Variants in RFC1 observed in about 807,000 individuals in gnomAD.
The protein encoded by RFC1 is replication factor C subunit 1, also known as A1 140 kDa subunit.
In RFC1, 37 loss-of-function variants were observed where a neutral mutation model predicts 137.4. The ratio of observed to expected loss-of-function variants is 0.27; its 90% CI spans 0.21 to 0.35. The LOEUF (loss-of-function observed/expected upper bound fraction) is 0.35. RFC1 is among the 10% of genes least tolerant of loss of function. The probability of loss-of-function intolerance (pLI) is 1.00; values close to 1 mark genes in which losing one functional copy is unlikely to be tolerated. For missense variants in RFC1, 1,205 were observed against 1,358.5 expected (o/e 0.89, Z 1.78); for synonymous variants, 429 against 455.7 (o/e 0.94, Z 0.75).
intron 4 of RFC1, among the ~76,000 whole-genome samples, chr4:39,336,594 G>A (rs1301337706): frequency 1.3e-5 from 2 of 152,262 alleles, no homozygotes; most frequent in South Asian, 2.1e-4. Flanking sequence ...ATTTGAAGCC[G>A]AGTAACTCTC....
Position 39,291,734 on chromosome 4 carries a change from C to T in RFC1, c.3073G>A (p.Asp1025Asn). The change falls in exon 23 of 25, where the codon GAC becomes AAC. Residue 1025 changes from aspartate (D) to asparagine (N), a missense_variant. Asp to Asn is a conservative substitution (Grantham distance 23, BLOSUM62 1). Transcript: ENST00000349703. ...DGVQDVVALM[D>N]TYYLMKEDFE... Reference sequence around the variant, plus strand: ...TCTTCTTTCATCAAATAATATGTGTCCATAAGTGCAACAACATCCTGTACT... The same window carrying T: ...TCTTCTTTCATCAAATAATATGTGTTCATAAGTGCAACAACATCCTGTACT... 1.2e-6 allele frequency: 2 copies of T among 1,613,892 alleles called. No individual in the cohort carries two copies. Among genetic ancestry groups the T allele is most frequent in the Non-Finnish European group, 1.7e-6 (2 of 1,179,826 alleles).
Position 39,320,576 on chromosome 4 carries a change from T to G in RFC1, c.902A>C (p.Lys301Thr). 1 of 1,613,732 alleles carries G rather than the reference T, an allele frequency of 6.2e-7. No individual in the cohort carries two copies. The highest frequency in any genetic ancestry group is 8.5e-7 in the Non-Finnish European group (1 of 1,179,920). ...TTCTCCTATTTTGTCAGCTGATGAC[T>G]TGGAATGTTGCTGAGATTCTTTTGA... ...ESSKESQQHS[K>T]SSADKIGEVS... The change falls in exon 9 of 25, where the codon AAG becomes ACG. Residue 301 changes from lysine to threonine, a missense_variant. Lys to Thr is a moderately conservative substitution (Grantham distance 78). Transcript: ENST00000349703.
At chr4:39,295,912 C>T (rs1578103877) in intron 21 of RFC1, 153 bp from the exon 22 acceptor site, 1 of 552,002 alleles carries the variant, frequency 1.8e-6, no homozygotes, top group Admixed American at 3.7e-5. Context: ...TAACTCTGAT[C>T]TGCTGGTACA....
At chr4:39,313,027 T>A (rs1739047750) in intron 10 of RFC1, 96 bp from the exon 11 acceptor site, 1 of 1,024,024 alleles carries the variant, frequency 9.8e-7, no homozygotes, top group African/African-American at 1.6e-5. Flanking sequence ...TTTTTCTCAT[T>A]TCACATCATA....
intron 4 of RFC1, among the ~76,000 whole-genome samples, chr4:39,334,271 A>G (rs1740248140): frequency 6.6e-6 from 1 of 152,190 alleles, no homozygotes; most frequent in South Asian, 2.1e-4. Flanking sequence ...ATATCTGAAA[A>G]CACTGTCATC....
chr4:39,321,251 C>T (rs1739505286), intron 8 of RFC1, 36 bp downstream of exon 8: 4 of 1,466,504 alleles, frequency 2.7e-6, no homozygotes, highest in African/African-American at 1.4e-5. Flanking sequence ...TCCATGAAGA[C>T]AAGTGCTCCA....
At chr4:39,328,593 G>A (rs766731240) in intron 4 of RFC1, among the ~76,000 whole-genome samples, 14 of 152,156 alleles carry the variant, frequency 9.2e-5, no homozygotes, top group Non-Finnish European at 1.8e-4. Flanking sequence ...AAGCCGAGAC[G>A]GAAGTGTGCC....
chr4:39,304,788 C>T, intron 15 of RFC1, 26 bp downstream of exon 15: 1 of 1,267,804 alleles, frequency 7.9e-7, no homozygotes. Flanking sequence ...TATATAACAA[C>T]AACAGGAGGT....
chr4:39,321,162 T>G, intron 8 of RFC1, 125 bp downstream of exon 8: 1 of 745,370 alleles, frequency 1.3e-6, no homozygotes, highest in Non-Finnish European at 2.2e-6. Context: ...TATGCTCTAA[T>G]AGTCCTGTGA....
intron 10 of RFC1, among the ~76,000 whole-genome samples, chr4:39,315,532 C>T (rs1739196199): frequency 6.6e-6 from 1 of 152,200 alleles, no homozygotes; most frequent in Admixed American, 6.5e-5. Flanking sequence ...GCTCCAGTCC[C>T]ACATATCTGC....
chr4:39,330,794 T>G (rs897031627), intron 4 of RFC1, among the ~76,000 whole-genome samples: 1 of 152,136 alleles, frequency 6.6e-6, no homozygotes, highest in African/African-American at 2.4e-5. Flanking sequence ...AATTAAAAAT[T>G]TATCCATAAC....
chr4:39,305,584 G>C (rs973617210), intron 14 of RFC1, among the ~76,000 whole-genome samples: 17 of 151,976 alleles, frequency 1.1e-4, no homozygotes, highest in Non-Finnish European at 1.9e-4. Context: ...CTCCAGCCTG[G>C]GTGGCAGAGT....
intron 12 of RFC1, among the ~76,000 whole-genome samples, chr4:39,310,273 G>A (rs1271649820): frequency 2.0e-5 from 3 of 152,166 alleles, no homozygotes; most frequent in Non-Finnish European, 4.4e-5. Flanking sequence ...GACGGGAGAA[G>A]ACTAAGAAGA....
intron 12 of RFC1, among the ~76,000 whole-genome samples, chr4:39,310,218 T>C (rs1340975783): frequency 6.6e-6 from 1 of 152,060 alleles, no homozygotes; most frequent in East Asian, 1.9e-4. Flanking sequence ...TCATTAAAAG[T>C]GTCAAGGTTG....
At chr4:39,308,580 G>A in intron 13 of RFC1, 56 bp downstream of exon 13, 1 of 1,547,430 alleles carries the variant, frequency 6.5e-7, no homozygotes, top group Non-Finnish European at 8.7e-7. Context: ...ATGTGCCACT[G>A]AGCAATCACA....
chr4:39,292,215 T>A (rs1737715929), intron 22 of RFC1: 1 of 207,314 alleles, frequency 4.8e-6, no homozygotes, highest in African/African-American at 2.3e-5. Flanking sequence ...TATAAGGCAA[T>A]GAAATTCCCT....
At chr4:39,366,084 A>C (rs1742012298) in intron 1 of RFC1, among the ~76,000 whole-genome samples, 155 bp downstream of exon 1, 1 of 152,164 alleles carries the variant, frequency 6.6e-6, no homozygotes, top group African/African-American at 2.4e-5. Context: ...TTTTGCGTCC[A>C]GTGCCCGGTG....
intron 22 of RFC1, among the ~76,000 whole-genome samples, chr4:39,293,689 A>C (rs1365043565): frequency 1.3e-5 from 2 of 152,086 alleles, no homozygotes; most frequent in Non-Finnish European, 2.9e-5. Flanking sequence ...ACCCCCAAAA[A>C]TGTTTGGTCT....
intron 24 of RFC1, 22 bp downstream of exon 24, chr4:39,289,826 T>C: frequency 1.3e-6 from 2 of 1,550,300 alleles, no homozygotes; most frequent in Non-Finnish European, 1.8e-6. Flanking sequence ...GAGGTTCTCC[T>C]GTCTGTGGCT....
Sources: allele counts gnomAD v4.1 joint callset (sites outside exome capture counted in the v4.1 genomes callset), GRCh38; gene constraint gnomAD v4.1.1; transcripts MANE v1.5; gene names NCBI Gene and HGNC (gene_info 2026-07-23, HGNC 2026-07-21).